SASH1: variants seen among roughly 807,000 people sequenced by gnomAD.
SASH1 encodes the protein SAM and SH3 domain containing 1, also known as SAM and SH3 domain-containing protein 1.
Under a neutral mutation model 125.2 loss-of-function variants are expected in SASH1, and 44 were observed. The observed-to-expected ratio is 0.35, with a 90% CI of 0.28 to 0.45. The LOEUF (loss-of-function observed/expected upper bound fraction) is 0.45, where lower values mean the gene tolerates loss of function less well. SASH1 is among the 20% of genes least tolerant of loss of function. The probability of loss-of-function intolerance (pLI) is 1.00; values close to 1 mark genes in which losing one functional copy is unlikely to be tolerated. For synonymous variants in SASH1, 639 were observed against 649.1 expected, an observed-to-expected ratio of 0.98 and a Z score of 0.24; for missense variants, 1,426 against 1,614.5, an observed-to-expected ratio of 0.88 and a Z score of 2.00.
chr6:148,326,209 G>A (rs1403600447), intron 1 of SASH1, among the ~76,000 whole-genome samples: 1 of 147,452 alleles, frequency 6.8e-6, no homozygotes, highest in Non-Finnish European at 1.5e-5. Context: ...TGTATTTTTA[G>A]TAGAGATGGG....
rs11558675 is a variant in SASH1, at chr6:148,550,954, A to T, written c.*2396A>T. 8 of 152,626 alleles carry T rather than the reference A, an allele frequency of 5.2e-5. No individual in the cohort carries two copies. Among genetic ancestry groups the T allele is most frequent in the African/African-American group, 1.9e-4 (8 of 41,470 alleles). 9.5% of individuals were successfully genotyped at this position (152,626 alleles called of 1,614,324 possible). On this transcript the variant is annotated 3_prime_UTR_variant, in exon 20 of 20. Coordinates refer to ENST00000367467, the MANE Select transcript of SASH1 (RefSeq NM_015278.5). ...ATTTCAGTGAAAGTCGCAGCAGAAG[A>T]GGGAACTTTCTGGAGTTTTTGAGAA...
At chr6:148,255,567 A>G in the SASH1 span, among the ~76,000 whole-genome samples, 1 of 152,080 alleles carries the variant, frequency 6.6e-6, no homozygotes, top group Non-Finnish European at 1.5e-5. Context: ...ACATGACTGG[A>G]CTTGGTTGAG....
At chr6:148,400,821 T>C (rs1784140118) in intron 2 of SASH1, among the ~76,000 whole-genome samples, 1 of 152,190 alleles carries the variant, frequency 6.6e-6, no homozygotes, top group Non-Finnish European at 1.5e-5. Flanking sequence ...TTTCTCTCGC[T>C]CCCTCTCATT....
chr6:148,251,200 T>C, the SASH1 span, among the ~76,000 whole-genome samples: 2 of 152,252 alleles, frequency 1.3e-5, no homozygotes, highest in East Asian at 3.9e-4. Context: ...ATGCAGTAAT[T>C]CACAGAAAAG....
At chr6:148,410,325 G>A (rs1784572331) in intron 2 of SASH1, among the ~76,000 whole-genome samples, 1 of 151,766 alleles carries the variant, frequency 6.6e-6, no homozygotes. Context: ...TGGTCAGGCT[G>A]GTCTCGAACC....
chr6:148,487,773 A>C lies in SASH1; in HGVS notation c.729+58A>C, dbSNP rs960517132. 83 of 1,234,682 alleles carry C rather than the reference A, an allele frequency of 6.7e-5. 1 individual carries two copies. Among genetic ancestry groups the C allele is most frequent in the Admixed American group, 1.4e-4 (8 of 55,984 alleles). 76.5% of individuals were successfully genotyped at this position (1,234,682 alleles called of 1,614,324 possible). Reference sequence around the variant, plus strand: ...CCTACGCCGATAAGGGACAGTCTTCACCATTTTAGTCTTTGTATTTCTTTT... The same window carrying C: ...CCTACGCCGATAAGGGACAGTCTTCCCCATTTTAGTCTTTGTATTTCTTTT... On this transcript the variant is annotated intron_variant, in intron 8 of 19. Coordinates refer to ENST00000367467, the MANE Select transcript of SASH1 (RefSeq NM_015278.5).
At chr6:148,218,570 G>A in the SASH1 span, among the ~76,000 whole-genome samples, 2 of 152,160 alleles carry the variant, frequency 1.3e-5, no homozygotes, top group East Asian at 3.9e-4. Context: ...CAGGAAAAAG[G>A]GTCCCTGGCC....
chr6:148,379,013 A>G (rs900420118), intron 1 of SASH1, among the ~76,000 whole-genome samples: 1 of 152,190 alleles, frequency 6.6e-6, no homozygotes. Flanking sequence ...TGCCAACTGT[A>G]TGTTCTGTTG....
rs374138452 is a variant in SASH1 at position 148,398,382 on chromosome 6, C to CTCT, written c.285+8122_285+8124dup. Among the ~76,000 whole-genome samples the CTCT allele has an allele frequency of 1.5e-3, 226 of 152,266 alleles. 1 individual carries two copies. The highest frequency in any genetic ancestry group is 4.9e-3 in the African/African-American group (203 of 41,558). ...GGTTTTTGTTTGGTTTCACTGACTG[C>CTCT]TCTTTTGTTATTTGCTACAGACAGC... On this transcript the variant is annotated intron_variant, in intron 2 of 19. Coordinates refer to ENST00000367467, the MANE Select transcript of SASH1 (RefSeq NM_015278.5).
At chr6:148,285,717 C>A (rs1442151421) in intron 1 of SASH1, among the ~76,000 whole-genome samples, 2 of 152,130 alleles carry the variant, frequency 1.3e-5, no homozygotes, top group Non-Finnish European at 2.9e-5. Flanking sequence ...ATGTTCTGAG[C>A]ATATATCAGT....
At chr6:148,312,633 CTCTAAAGTGAAA>C (rs1780362514) in intron 1 of SASH1, among the ~76,000 whole-genome samples, 1 of 152,222 alleles carries the variant, frequency 6.6e-6, no homozygotes, top group Non-Finnish European at 1.5e-5. Context: ...ATTTCCTCAT[CTCTAAAGTGAAA>C]ACAGAATTAG....
intron 1 of SASH1, among the ~76,000 whole-genome samples, chr6:148,324,732 A>G (rs930940583): frequency 6.6e-6 from 1 of 152,226 alleles, no homozygotes; most frequent in African/African-American, 2.4e-5. Flanking sequence ...GGAATAATGC[A>G]ATTTTATAGG....
chr6:148,284,094 GATGACAAGAACTA>G (rs1462040027), intron 1 of SASH1, among the ~76,000 whole-genome samples: 1 of 152,018 alleles, frequency 6.6e-6, no homozygotes, highest in Non-Finnish European at 1.5e-5. Flanking sequence ...GAAGATTTTT[GATGACAAGAACTA>G]ATAGGCAGGC....
chr6:148,539,387 A>G (rs1782079526), intron 16 of SASH1, among the ~76,000 whole-genome samples: 1 of 151,860 alleles, frequency 6.6e-6, no homozygotes, highest in South Asian at 2.1e-4. Flanking sequence ...TCTGAAGTCC[A>G]TTATATCACT....
Position 148,519,194 on chromosome 6 carries a change from T to C in SASH1, c.863-353T>C, listed in dbSNP as rs1158093574. On this transcript the variant is annotated intron_variant, in intron 9 of 19. Coordinates refer to ENST00000367467, the MANE Select transcript of SASH1 (RefSeq NM_015278.5). This position sits in a 1 kb window ranked among gnomAD's most constrained non-coding sequence, Gnocchi z 4.8. ...CAGAAGGGGGAAAGATCCTGATTCCTAGTTTCAGAGGGTTGCATTTACAAA... is the reference window on the plus strand; with the variant it reads ...CAGAAGGGGGAAAGATCCTGATTCCCAGTTTCAGAGGGTTGCATTTACAAA... Among the ~76,000 whole-genome samples, 1 of 152,236 alleles carries C rather than the reference T, an allele frequency of 6.6e-6. No individual in the cohort carries two copies. Among genetic ancestry groups the C allele is most frequent in the Non-Finnish European group, 1.5e-5 (1 of 68,038 alleles).
chr6:148,487,550 G>A, intron 7 of SASH1, 64 bp from the exon 8 acceptor site: 1 of 1,185,032 alleles, frequency 8.4e-7, no homozygotes. Flanking sequence ...TCATTTCCCT[G>A]TAAAAGGTCT....
the SASH1 span, among the ~76,000 whole-genome samples, chr6:148,230,792 T>A: frequency 6.6e-6 from 1 of 152,358 alleles, no homozygotes; most frequent in Non-Finnish European, 1.5e-5. Context: ...AAAAAATGTC[T>A]ATTTGGATCT....
chr6:148,360,599 C>T (rs372411021), intron 1 of SASH1, among the ~76,000 whole-genome samples: 4 of 150,392 alleles, frequency 2.7e-5, no homozygotes, highest in East Asian at 4.0e-4. Context: ...TGATCTGCCA[C>T]CTTGGCCCCC....
chr6:148,391,173 G>T (rs1410236917), intron 2 of SASH1, among the ~76,000 whole-genome samples: 2 of 150,730 alleles, frequency 1.3e-5, no homozygotes, highest in Non-Finnish European at 2.9e-5. Flanking sequence ...GCAGTGGCGT[G>T]ATCTGGGCTC....
Sources: gnomAD v4.1 joint callset for allele counts (sites outside exome capture counted in the v4.1 genomes callset) on GRCh38, gnomAD v4.1.1 for gene constraint, Gnocchi (gnomAD v3.1) non-coding constraint, MANE v1.5 for transcripts, NCBI Gene and HGNC (gene_info 2026-07-23, HGNC 2026-07-21) for gene names.